Variants in MCM2 observed in about 807,000 individuals in gnomAD.
MCM2 encodes minichromosome maintenance complex component 2, also known as DNA replication licensing factor MCM2.
In MCM2, 49 loss-of-function variants were observed where a neutral mutation model predicts 86.4. The ratio of observed to expected loss-of-function variants is 0.57; its 90% CI spans 0.45 to 0.72. The LOEUF is 0.72. Ranked by LOEUF, MCM2 falls within the 30% of genes least tolerant of loss-of-function variation. MCM2 has a pLI of 0.00. For missense variants in MCM2, 1,038 were observed against 1,259.9 expected (o/e 0.82, Z 2.67); for synonymous variants, 475 against 484.6 (o/e 0.98, Z 0.26).
Position 127,606,616 on chromosome 3 carries a change from G to A in MCM2, c.900G>A (p.Leu300=), listed in dbSNP as rs756770153. 2 of 1,613,914 alleles carry A rather than the reference G, an allele frequency of 1.2e-6. No individual in the cohort carries two copies. The highest frequency in any genetic ancestry group is 1.3e-5 in the African/African-American group (1 of 75,070). Residue 300 remains leucine, a synonymous_variant, in exon 6 of 16, where the codon CTG becomes CTA. Coordinates refer to ENST00000265056, the MANE Select transcript of MCM2 (RefSeq NM_004526.4). This position sits in a 1 kb window ranked among gnomAD's most constrained non-coding sequence, Gnocchi z 4.2. ...LVEELRSLRQ[L]HLNQLIRTSG... ...GCACCCTCTGCCTCCGCAGGCAGCT[G>A]CATCTGAACCAGCTGATCCGCACCA...
chr3:127,608,403 C>G lies in MCM2; in HGVS notation c.1123C>G (p.Arg375Gly). The G allele has an allele frequency of 4.3e-6, 7 of 1,614,226 alleles. No individual in the cohort carries two copies. The highest frequency in any genetic ancestry group is 5.9e-6 in the Non-Finnish European group (7 of 1,180,036). ...MEETIYQNYQ[R>G]IRIQESPGKV... ...GCAGACCATCTATCAGAACTACCAG[C>G]GTATCCGAATCCAGGAGAGTCCAGG... The change falls in exon 7 of 16, where the codon CGT becomes GGT. Residue 375 changes from arginine to glycine, a missense_variant. Transcript: ENST00000265056.
chr3:127,617,675 T>C lies in MCM2; in HGVS notation c.1900+270T>C. On this transcript the variant is annotated intron_variant, in intron 11 of 15. Transcript: ENST00000265056. This position sits in a 1 kb window ranked among gnomAD's most constrained non-coding sequence, Gnocchi z 4.1. Reference sequence around the variant, plus strand: ...GAGCCCAGTGCCCCTCTGGCCAGGATGGAGTTGGCTGTTGGTCTCAGCAGC... The same window carrying C: ...GAGCCCAGTGCCCCTCTGGCCAGGACGGAGTTGGCTGTTGGTCTCAGCAGC... 1 of 592,920 alleles carries C rather than the reference T, an allele frequency of 1.7e-6. No homozygotes were observed. The highest frequency in any genetic ancestry group is 3.0e-6 in the Non-Finnish European group (1 of 335,082). The allele number at this position is 592,920 out of a possible 1,614,324, so 36.7% of individuals were successfully genotyped here.
At chr3:127,608,242 T>G in intron 6 of MCM2, 140 bp from the exon 7 acceptor site, 4 of 1,044,704 alleles carry the variant, frequency 3.8e-6, no homozygotes, top group Non-Finnish European at 5.8e-6. Flanking sequence ...TGAGTCGCCA[T>G]GAACTCATTC....
chr3:127,604,487 G>T, intron 2 of MCM2, 121 bp from the exon 3 acceptor site: 2 of 953,236 alleles, frequency 2.1e-6, no homozygotes, highest in South Asian at 3.2e-5. Context: ...ACCTGGAAGC[G>T]CTGAGCCTAC....
At chr3:127,612,282 G>A (rs2074404748) in intron 8 of MCM2, among the ~76,000 whole-genome samples, 1 of 152,178 alleles carries the variant, frequency 6.6e-6, no homozygotes, top group Admixed American at 6.5e-5. Context: ...AAGAGATCAG[G>A]GTCATGCCCA....
In MCM2 at chr3:127,603,145, C is replaced by T. The variant is rs184664709; in HGVS notation, c.237-1463C>T. Among the ~76,000 whole-genome samples, 796 of 151,530 alleles carry T rather than the reference C, an allele frequency of 5.3e-3. 6 individuals carry two copies. Among genetic ancestry groups the T allele is most frequent in the African/African-American group, 0.018 (730 of 41,230 alleles). On this transcript the variant is annotated intron_variant, in intron 2 of 15. Coordinates refer to ENST00000265056, the MANE Select transcript of MCM2 (RefSeq NM_004526.4). ...CTTCCCAAGTAGCTGGGACTACAGG[C>T]GCCCACCACCGCGCCCAAGTAATTT...
At position 127,617,417 on chromosome 3, in the gene MCM2, A is replaced by C; in HGVS notation, c.1900+12A>C. The C allele has an allele frequency of 6.2e-7, 1 of 1,611,410 alleles. No homozygotes were observed. On this transcript the variant is annotated intron_variant, in intron 11 of 15. Transcript: ENST00000265056. The surrounding 1 kb of genome is among the most constrained non-coding windows in gnomAD (Gnocchi z 4.1). ...CGCCAACCCCATAGGTGCAGCAGGCACCCTGACTGCTGGGGCTGGGGTGGG... is the reference window on the plus strand; with the variant it reads ...CGCCAACCCCATAGGTGCAGCAGGCCCCCTGACTGCTGGGGCTGGGGTGGG...
At chr3:127,605,462 C>T (rs1280027127) in intron 4 of MCM2, among the ~76,000 whole-genome samples, 8 of 81,000 alleles carry the variant, frequency 9.9e-5, no homozygotes, top group African/African-American at 3.8e-4. Context: ...TTTTTTGAGA[C>T]GGAGTTTTGT....
chr3:127,598,859 C>T (rs1450011736), intron 1 of MCM2: 2 of 367,824 alleles, frequency 5.4e-6, no homozygotes, highest in Non-Finnish European at 9.8e-6. Context: ...GTATTACCTT[C>T]TTGTCCCTTT....
intron 8 of MCM2, chr3:127,610,760 T>A: frequency 4.4e-6 from 2 of 456,594 alleles, no homozygotes; most frequent in Non-Finnish European, 8.8e-6. Context: ...TGGGCTTATA[T>A]GTTACTGTCA....
At chr3:127,619,611 G>A (rs2074461101) in intron 13 of MCM2, among the ~76,000 whole-genome samples, 2 of 152,156 alleles carry the variant, frequency 1.3e-5, no homozygotes, top group African/African-American at 2.4e-5. Flanking sequence ...CCCGGGAGGC[G>A]GAGGGTGCAG....
rs199665704 is a variant in MCM2 at position 127,605,057 on chromosome 3, C to T, written c.574C>T (p.Arg192Trp). 92 of 1,613,922 alleles carry T rather than the reference C, an allele frequency of 5.7e-5. No homozygotes were observed. The highest frequency in any genetic ancestry group is 5.3e-5 in the African/African-American group (4 of 75,024). The change falls in exon 4 of 16, where the codon CGG becomes TGG. Residue 192 changes from arginine (R) to tryptophan (W), a missense_variant. Arg to Trp is a moderately radical substitution (Grantham distance 101). This residue lies in a region of MCM2 where 300 missense variants were observed against 307.4 expected (regional missense o/e 0.98). Transcript: ENST00000265056. Reference sequence around the variant, plus strand: ...CGAGTGGGTGAGCATGGCGGGCCCCCGGCTGGAGATCCACCACCGCTTCAA... The same window carrying T: ...CGAGTGGGTGAGCATGGCGGGCCCCTGGCTGGAGATCCACCACCGCTTCAA... ...VREWVSMAGP[R>W]LEIHHRFKNF...
rs1234573599 is a variant in MCM2, at chr3:127,606,095, C to T, written c.674-23C>T. On this transcript the variant is annotated intron_variant, in intron 4 of 15. Coordinates refer to ENST00000265056, the MANE Select transcript of MCM2 (RefSeq NM_004526.4). This position sits in a 1 kb window ranked among gnomAD's most constrained non-coding sequence, Gnocchi z 4.2. ...CCAGGCCTCATGCTTAGTTAACTCTCTTCCCACTGTGCCCCCTTCTAGAGA... is the reference window on the plus strand; with the variant it reads ...CCAGGCCTCATGCTTAGTTAACTCTTTTCCCACTGTGCCCCCTTCTAGAGA... 2 of 1,594,682 alleles carry T rather than the reference C, an allele frequency of 1.3e-6. No individual in the cohort carries two copies. The highest frequency in any genetic ancestry group is 1.7e-6 in the Non-Finnish European group (2 of 1,162,400).
chr3:127,617,376 G>C lies in MCM2; in HGVS notation c.1871G>C (p.Cys624Ser). ...AGIVTSLQAR[C>S]TVIAAANPIG... is the part of the protein sequence containing the mutation. ...ATCGTCACCTCCCTGCAGGCTCGCT[G>C]CACGGTCATTGCTGCCGCCAACCCC... Residue 624 changes from cysteine (C) to serine (S), a missense_variant, in exon 11 of 16, where the codon TGC becomes TCC. Cys to Ser is a moderately radical substitution (Grantham distance 112). Around this residue, in one of 4 missense-constraint regions of MCM2, gnomAD observed 336 missense variants for 425.7 expected, o/e 0.79. Transcript: ENST00000265056. This position sits in a 1 kb window ranked among gnomAD's most constrained non-coding sequence, Gnocchi z 4.1. 2 of 1,614,020 alleles carry C rather than the reference G, an allele frequency of 1.2e-6. No homozygotes were observed. Among genetic ancestry groups the C allele is most frequent in the Non-Finnish European group, 1.7e-6 (2 of 1,179,946 alleles).
chr3:127,610,658 T>C (rs2074388397), intron 8 of MCM2: 1 of 390,992 alleles, frequency 2.6e-6, no homozygotes, highest in African/African-American at 2.1e-5. Context: ...CTCGGTTCCT[T>C]TTCTCAAGTG....
At position 127,622,216 on chromosome 3, in the gene MCM2, C is replaced by G. The variant is rs1254611838; in HGVS notation, c.*443C>G. On this transcript the variant is annotated 3_prime_UTR_variant, in exon 16 of 16. Coordinates refer to ENST00000265056, the MANE Select transcript of MCM2 (RefSeq NM_004526.4). ...AGATGTTTGTAATCGTTTTCAGTCT[C>G]CTGCAGGTTTCTGTGCCCCTGTGGT... 6.3e-6 allele frequency: 1 copy of G among 159,080 alleles called. No homozygotes were observed. The highest frequency in any genetic ancestry group is 2.4e-5 in the African/African-American group (1 of 41,520). The allele number at this position is 159,080 out of a possible 1,614,324, so 9.9% of individuals were successfully genotyped here.
In MCM2 at chr3:127,606,029, G is replaced by A; in HGVS notation, c.674-89G>A. Reference sequence around the variant, plus strand: ...TAGGTCAAAATCAATGGTCGGGGTGGGTAGGCCTTGCTTCTCACACAGGCA... The same window carrying A: ...TAGGTCAAAATCAATGGTCGGGGTGAGTAGGCCTTGCTTCTCACACAGGCA... On this transcript the variant is annotated intron_variant, in intron 4 of 15. Coordinates refer to ENST00000265056, the MANE Select transcript of MCM2 (RefSeq NM_004526.4). This position sits in a 1 kb window ranked among gnomAD's most constrained non-coding sequence, Gnocchi z 4.2. The A allele has an allele frequency of 1.1e-6, 1 of 947,346 alleles. No homozygotes were observed. Among genetic ancestry groups the A allele is most frequent in the Non-Finnish European group, 1.7e-6 (1 of 596,458 alleles). The allele number at this position is 947,346 out of a possible 1,614,324, so 58.7% of individuals were successfully genotyped here. A position where few individuals can be genotyped will look rare whatever the true frequency, so the allele number is the denominator to read the frequency against.
chr3:127,598,951 C>T (rs1365960051), intron 1 of MCM2: 2 of 384,486 alleles, frequency 5.2e-6, no homozygotes, highest in African/African-American at 2.1e-5. Context: ...ATCACAATAC[C>T]TTGCGCACTG....
In MCM2 at chr3:127,617,251, C is replaced by A. The variant is rs2074440616; in HGVS notation, c.1774-28C>A. On this transcript the variant is annotated intron_variant, in intron 10 of 15. Transcript: ENST00000265056. This position sits in a 1 kb window ranked among gnomAD's most constrained non-coding sequence, Gnocchi z 4.1. Reference sequence around the variant, plus strand: ...CTTAGTAGTAGGGGCGTGAACCATGCTAAGGGTGGGCCATTTTAATCTTGC... The same window carrying A: ...CTTAGTAGTAGGGGCGTGAACCATGATAAGGGTGGGCCATTTTAATCTTGC... The A allele has an allele frequency of 6.2e-7, 1 of 1,613,632 alleles. No individual in the cohort carries two copies. Among genetic ancestry groups the A allele is most frequent in the African/African-American group, 1.3e-5 (1 of 74,906 alleles).
Sources: allele counts gnomAD v4.1 joint callset (sites outside exome capture counted in the v4.1 genomes callset), GRCh38; gene constraint gnomAD v4.1.1; regional missense constraint gnomAD v4.1.1; non-coding constraint Gnocchi (gnomAD v3.1); transcripts MANE v1.5; gene names NCBI Gene and HGNC (gene_info 2026-07-23, HGNC 2026-07-21).